Variants in PRR16 observed in about 807,000 individuals in gnomAD.
The protein encoded by PRR16 is protein Largen.
A neutral mutation model predicts 18.2 loss-of-function variants in PRR16; 6 were observed. The ratio of observed to expected loss-of-function variants is 0.33; its 90% CI spans 0.18 to 0.65. The LOEUF (loss-of-function observed/expected upper bound fraction) is 0.65. PRR16 is among the 30% of genes least tolerant of loss of function. The probability of loss-of-function intolerance (pLI) is 0.74; values close to 1 mark genes in which losing one functional copy is unlikely to be tolerated. For synonymous variants in PRR16, 151 were observed against 147.8 expected (o/e 1.02, Z -0.16); for missense variants, 412 against 376.6 (o/e 1.09, Z -0.78).
chr5:120,638,663 C>T (rs1755324908), intron 1 of PRR16, among the ~76,000 whole-genome samples: 1 of 152,118 alleles, frequency 6.6e-6, no homozygotes, highest in South Asian at 2.1e-4. Flanking sequence ...CAGCTCTGCA[C>T]TTTCTCTTTT....
chr5:120,658,616 T>A (rs1016309533), intron 1 of PRR16, among the ~76,000 whole-genome samples: 2 of 151,896 alleles, frequency 1.3e-5, no homozygotes, highest in Admixed American at 1.3e-4. Flanking sequence ...AGCTTTGAAA[T>A]TTGATGAAAG....
At chr5:120,484,157 A>T (rs1021013943) in intron 1 of PRR16, among the ~76,000 whole-genome samples, 1 of 151,810 alleles carries the variant, frequency 6.6e-6, no homozygotes, top group Non-Finnish European at 1.5e-5. Context: ...CTATTTCTTA[A>T]CTACTCAAGT....
chr5:120,610,568 G>T (rs745673411), intron 1 of PRR16, among the ~76,000 whole-genome samples: 6 of 151,972 alleles, frequency 3.9e-5, no homozygotes, highest in Non-Finnish European at 8.8e-5. Context: ...CTACTCTCAC[G>T]ATAGTGAATA....
chr5:120,725,822 A>G, the PRR16 span, among the ~76,000 whole-genome samples: 1 of 152,090 alleles, frequency 6.6e-6, no homozygotes, highest in Non-Finnish European at 1.5e-5. Flanking sequence ...GATTTTCAAT[A>G]AATTTTTCTT....
At chr5:120,609,829 C>T (rs1754278502) in intron 1 of PRR16, among the ~76,000 whole-genome samples, 1 of 152,194 alleles carries the variant, frequency 6.6e-6, no homozygotes, top group African/African-American at 2.4e-5. Flanking sequence ...GTCTAAACTT[C>T]AAGGAAAGCA....
At chr5:120,695,119 A>G in the PRR16 span, among the ~76,000 whole-genome samples, 1 of 152,202 alleles carries the variant, frequency 6.6e-6, no homozygotes, top group Non-Finnish European at 1.5e-5. Context: ...ATCTGGCACT[A>G]TTATTTTCTA....
the PRR16 span, among the ~76,000 whole-genome samples, chr5:120,737,946 C>A: frequency 6.6e-6 from 1 of 151,962 alleles, no homozygotes; most frequent in Non-Finnish European, 1.5e-5. Context: ...AGAATGCTAA[C>A]ACAATATTGA....
intron 1 of PRR16, among the ~76,000 whole-genome samples, chr5:120,654,737 GAA>G (rs1202125921): frequency 1.3e-5 from 2 of 151,686 alleles, no homozygotes; most frequent in Non-Finnish European, 2.9e-5. Flanking sequence ...ATAAAAATAA[GAA>G]AGGGTCCTCA....
the PRR16 span, among the ~76,000 whole-genome samples, chr5:120,704,653 CT>C: frequency 6.6e-6 from 1 of 152,154 alleles, no homozygotes; most frequent in South Asian, 2.1e-4. Context: ...GCTTCACACC[CT>C]GATCCCCAAC....
chr5:120,690,317 G>A (rs982021848), downstream of PRR16, among the ~76,000 whole-genome samples: 1 of 152,088 alleles, frequency 6.6e-6, no homozygotes, highest in Non-Finnish European at 1.5e-5. Flanking sequence ...GGAATGGTGT[G>A]ATCAAGTCAT....
At chr5:120,700,508 C>A in the PRR16 span, among the ~76,000 whole-genome samples, 2 of 151,924 alleles carry the variant, frequency 1.3e-5, no homozygotes, top group Non-Finnish European at 2.9e-5. Flanking sequence ...TGAGATATAG[C>A]TGTAGTCCAG....
intron 1 of PRR16, among the ~76,000 whole-genome samples, chr5:120,678,383 T>C (rs1756873181): frequency 6.6e-6 from 1 of 152,174 alleles, no homozygotes; most frequent in Non-Finnish European, 1.5e-5. Context: ...TGGGGTAGGA[T>C]GGAAATAAAG....
At chr5:120,563,779 G>T (rs1752649873) in intron 1 of PRR16, among the ~76,000 whole-genome samples, 1 of 151,962 alleles carries the variant, frequency 6.6e-6, no homozygotes, top group South Asian at 2.1e-4. Flanking sequence ...TCTGGTGTAA[G>T]ACAATGTCCC....
At chr5:120,751,138 C>G in the PRR16 span, among the ~76,000 whole-genome samples, 1 of 152,116 alleles carries the variant, frequency 6.6e-6, no homozygotes, top group Non-Finnish European at 1.5e-5. Flanking sequence ...ATTTTTATGG[C>G]TGAGTAGTAT....
intron 1 of PRR16, among the ~76,000 whole-genome samples, chr5:120,655,095 C>T (rs1193954956): frequency 6.6e-6 from 1 of 151,816 alleles, no homozygotes; most frequent in East Asian, 1.9e-4. Context: ...TATATACTAG[C>T]TACTGAAAAG....
At chr5:120,579,147 A>G (rs1753178175) in intron 1 of PRR16, among the ~76,000 whole-genome samples, 1 of 151,996 alleles carries the variant, frequency 6.6e-6, no homozygotes, top group Non-Finnish European at 1.5e-5. Flanking sequence ...AATTCTGGAT[A>G]TTATACTTCT....
chr5:120,518,653 T>C (rs1751075519), intron 1 of PRR16, among the ~76,000 whole-genome samples: 1 of 152,130 alleles, frequency 6.6e-6, no homozygotes, highest in Non-Finnish European at 1.5e-5. Flanking sequence ...ACATGTGGCC[T>C]TCTACAATAA....
At chr5:120,552,918 C>G (rs1752298871) in intron 1 of PRR16, among the ~76,000 whole-genome samples, 1 of 151,812 alleles carries the variant, frequency 6.6e-6, no homozygotes, top group Non-Finnish European at 1.5e-5. Context: ...GACCTGAGGT[C>G]TGAGCTTACC....
At chr5:120,687,945 C>T (rs1445667293), downstream of PRR16, among the ~76,000 whole-genome samples, 1 of 152,068 alleles carries the variant, frequency 6.6e-6, no homozygotes, top group Non-Finnish European at 1.5e-5. Flanking sequence ...AGTTTCTCTC[C>T]CCTAGAGTTA....
Sources: gnomAD v4.1 joint callset for allele counts (sites outside exome capture counted in the v4.1 genomes callset) on GRCh38, gnomAD v4.1.1 for gene constraint, MANE v1.5 for transcripts, NCBI Gene and HGNC (gene_info 2026-07-23, HGNC 2026-07-21) for gene names.